The following DGKI variants were observed in gnomAD, a reference collection of about 807,000 sequenced individuals.
The protein encoded by DGKI is diacylglycerol kinase iota, also known as DAG kinase iota.
Under a neutral mutation model 147.5 loss-of-function variants are expected in DGKI, and 55 were observed. The ratio of observed to expected loss-of-function variants is 0.37; its 90% CI spans 0.30 to 0.47. DGKI has a LOEUF of 0.47. Ranked by LOEUF, DGKI falls within the 20% of genes least tolerant of loss-of-function variation. DGKI has a pLI of 1.00. For synonymous variants in DGKI, 469 were observed against 477.1 expected (o/e 0.98, Z 0.22); for missense variants, 1,007 against 1,323.8 (o/e 0.76, Z 3.71).
chr7:137,597,769 GA>G, intron 12 of DGKI, 77 bp downstream of exon 12: 1 of 1,350,960 alleles, frequency 7.4e-7, no homozygotes, highest in East Asian at 2.3e-5. Context: ...ACTGAGCAAC[GA>G]ATAAAAAGAA....
In DGKI at chr7:137,384,942, T is replaced by C. The variant is rs1191637094; in HGVS notation, c.*6278A>G. 6.6e-6 allele frequency: 1 copy of C among 152,134 alleles called. No homozygotes were observed. The highest frequency in any genetic ancestry group is 6.6e-5 in the Admixed American group (1 of 15,260). The allele number at this position is 152,134 out of a possible 1,614,324, so 9.4% of individuals were successfully genotyped here. On this transcript the variant is annotated 3_prime_UTR_variant, in exon 33 of 33. Coordinates refer to ENST00000614521, the MANE Select transcript of DGKI (RefSeq NM_001321708.2). The stretch of plus-strand genomic sequence containing the variant: ...CCATGGGTAGGACCTCCCTTGTGGT[T>C]GCCACGCTGGTGGCAGAAGCCAAAG...
chr7:137,691,804 T>G (rs967630789), intron 1 of DGKI, among the ~76,000 whole-genome samples: 2 of 121,180 alleles, frequency 1.7e-5, no homozygotes, highest in Non-Finnish European at 1.5e-5. Context: ...TTGGGTTTTT[T>G]TTTTTTTTTT....
chr7:137,437,707 A>G (rs1330345215), intron 28 of DGKI, among the ~76,000 whole-genome samples: 1 of 152,162 alleles, frequency 6.6e-6, no homozygotes, highest in Non-Finnish European at 1.5e-5. Context: ...ATTACAGGAT[A>G]TATCCTCCAA....
chr7:137,645,428 C>G (rs767622311), intron 6 of DGKI, 44 bp downstream of exon 6: 2 of 1,580,150 alleles, frequency 1.3e-6, no homozygotes, highest in Non-Finnish European at 1.7e-6. Context: ...CTTGCAGAGG[C>G]CTGGGGAGCC....
intron 1 of DGKI, among the ~76,000 whole-genome samples, chr7:137,777,198 T>TA (rs527556683): frequency 1.1e-3 from 170 of 151,924 alleles, no homozygotes; most frequent in Admixed American, 3.1e-3. Context: ...ACCAATCTGT[T>TA]AAAAAAAGGA....
intron 21 of DGKI, among the ~76,000 whole-genome samples, chr7:137,503,038 T>C (rs189393502): frequency 1.1e-4 from 17 of 152,272 alleles, no homozygotes; most frequent in Admixed American, 1.0e-3. Context: ...ACCAGTGAAG[T>C]CAGACACATT....
intron 1 of DGKI, among the ~76,000 whole-genome samples, chr7:137,781,606 G>T (rs562706424): frequency 6.6e-6 from 1 of 152,346 alleles, no homozygotes; most frequent in Non-Finnish European, 1.5e-5. Flanking sequence ...TGACTGCAGG[G>T]CTGGGGCAGG....
chr7:137,821,653 A>G (rs1054469030), intron 1 of DGKI, among the ~76,000 whole-genome samples: 1 of 151,934 alleles, frequency 6.6e-6, no homozygotes, highest in Non-Finnish European at 1.5e-5. Flanking sequence ...TACATCAGAA[A>G]AAAAAAAAAG....
At chr7:137,443,098 G>A (rs1055240506) in intron 28 of DGKI, among the ~76,000 whole-genome samples, 2 of 152,140 alleles carry the variant, frequency 1.3e-5, no homozygotes, top group African/African-American at 4.8e-5. Flanking sequence ...TCACATGGCT[G>A]GAAAACAGAT....
At chr7:137,689,066 C>A (rs1214707463) in intron 2 of DGKI, among the ~76,000 whole-genome samples, 1 of 152,140 alleles carries the variant, frequency 6.6e-6, no homozygotes, top group African/African-American at 2.4e-5. Flanking sequence ...GCATGGGTTA[C>A]CTTTCCCCCA....
intron 18 of DGKI, among the ~76,000 whole-genome samples, chr7:137,572,025 T>C (rs371234093): frequency 6.6e-6 from 1 of 152,338 alleles, no homozygotes; most frequent in African/African-American, 2.4e-5. Context: ...CTGCCAAGAA[T>C]AATCAGGAGA....
chr7:137,799,430 T>C (rs550281533), intron 1 of DGKI, among the ~76,000 whole-genome samples: 2 of 152,314 alleles, frequency 1.3e-5, no homozygotes, highest in South Asian at 2.1e-4. Flanking sequence ...GTAGTGATGA[T>C]AGTCAAACTC....
intron 6 of DGKI, among the ~76,000 whole-genome samples, chr7:137,640,330 C>G (rs1232533756): frequency 2.6e-5 from 4 of 152,118 alleles, no homozygotes; most frequent in Non-Finnish European, 4.4e-5. Flanking sequence ...TCCTTGTCCC[C>G]CTTCTTGATA....
chr7:137,459,764 G>A (rs1393723582), intron 27 of DGKI, among the ~76,000 whole-genome samples: 3 of 152,066 alleles, frequency 2.0e-5, no homozygotes, highest in East Asian at 1.9e-4. Flanking sequence ...GTGAGCCACT[G>A]AGCCCGGCCA....
chr7:137,754,279 CT>C (rs1189026974), intron 1 of DGKI, among the ~76,000 whole-genome samples: 1 of 152,152 alleles, frequency 6.6e-6, no homozygotes, highest in Non-Finnish European at 1.5e-5. Flanking sequence ...CATCCACCCC[CT>C]GTCCCCAGGA....
chr7:137,785,795 C>T (rs1022680145), intron 1 of DGKI, among the ~76,000 whole-genome samples: 4 of 152,084 alleles, frequency 2.6e-5, no homozygotes, highest in African/African-American at 9.7e-5. Flanking sequence ...GTGTTTCATA[C>T]CAGGGATGCA....
chr7:137,502,827 C>T (rs896680749), intron 21 of DGKI, among the ~76,000 whole-genome samples: 3 of 152,088 alleles, frequency 2.0e-5, no homozygotes, highest in African/African-American at 7.2e-5. Flanking sequence ...TTGGGCTGCA[C>T]ATAAGGATGG....
At chr7:137,532,304 T>C (rs1190929914) in intron 20 of DGKI, among the ~76,000 whole-genome samples, 1 of 152,062 alleles carries the variant, frequency 6.6e-6, no homozygotes, top group African/African-American at 2.4e-5. Flanking sequence ...GTTTTTATAA[T>C]GGAAATAAAA....
At chr7:137,447,016 T>G (rs74665362) in intron 27 of DGKI, among the ~76,000 whole-genome samples, 2,408 of 152,358 alleles carry the variant, frequency 0.016, 66 homozygotes, top group African/African-American at 0.055. Flanking sequence ...ATTACTAGCA[T>G]TCTTATAGCT....
Sources: allele counts gnomAD v4.1 joint callset (sites outside exome capture counted in the v4.1 genomes callset), GRCh38; gene constraint gnomAD v4.1.1; transcripts MANE v1.5; gene names NCBI Gene and HGNC (gene_info 2026-07-23, HGNC 2026-07-21).